ARHGAP25: variants seen among roughly 807,000 people sequenced by gnomAD.
The protein encoded by ARHGAP25 is Rho GTPase activating protein 25, also known as rho GTPase-activating protein 25.
In ARHGAP25, 34 loss-of-function variants were observed where a neutral mutation model predicts 71.0. The observed-to-expected ratio is 0.48, with a 90% CI of 0.36 to 0.64. ARHGAP25 has a LOEUF of 0.64. Ranked by LOEUF, ARHGAP25 falls within the 30% of genes least tolerant of loss-of-function variation. The pLI, the probability that ARHGAP25 is intolerant of heterozygous loss-of-function variation, is 0.00. For missense variants in ARHGAP25, 706 were observed against 805.1 expected (o/e 0.88, Z 1.49); for synonymous variants, 282 against 296.5 (o/e 0.95, Z 0.50).
At chr2:68,724,839 A>T (rs7580958) in intron 2 of ARHGAP25, among the ~76,000 whole-genome samples, 38,889 of 152,046 alleles carry the variant, frequency 0.26, 5,413 homozygotes, top group East Asian at 0.48. Context: ...GACTTCTCTC[A>T]TTCTGTCACG....
intron 1 of ARHGAP25, among the ~76,000 whole-genome samples, chr2:68,774,263 T>C (rs965422012): frequency 8.6e-5 from 13 of 151,950 alleles, no homozygotes; most frequent in African/African-American, 3.1e-4. Context: ...GAAGGAAGTG[T>C]TGAATGGGGA....
intron 4 of ARHGAP25, among the ~76,000 whole-genome samples, chr2:68,802,745 A>G (rs1325651334): frequency 6.6e-6 from 1 of 152,018 alleles, no homozygotes; most frequent in African/African-American, 2.4e-5. Context: ...AGATGGAAAT[A>G]GATATGATAT....
At chr2:68,765,627 A>T (rs1677076715) in intron 1 of ARHGAP25, among the ~76,000 whole-genome samples, 1 of 152,252 alleles carries the variant, frequency 6.6e-6, no homozygotes, top group South Asian at 2.1e-4. Flanking sequence ...ATCCTTAAAA[A>T]TATGGAAATT....
chr2:68,779,197 G>T (rs1271421867), intron 2 of ARHGAP25, among the ~76,000 whole-genome samples: 1 of 152,150 alleles, frequency 6.6e-6, no homozygotes, highest in South Asian at 2.1e-4. Flanking sequence ...TGGGAGAGCC[G>T]ATTGAAGGGC....
At chr2:68,819,885 CAATAATTT>C (rs1389816801) in intron 9 of ARHGAP25, 8 of 179,762 alleles carry the variant, frequency 4.5e-5, no homozygotes, top group African/African-American at 1.9e-4. Flanking sequence ...CTCGTGAGGA[CAATAATTT>C]ACAAAGGTCA....
At chr2:68,766,902 A>T (rs1677158080) in intron 1 of ARHGAP25, among the ~76,000 whole-genome samples, 1 of 152,164 alleles carries the variant, frequency 6.6e-6, no homozygotes, top group African/African-American at 2.4e-5. Context: ...ACACATAGTT[A>T]TTGGTGCCAA....
intron 9 of ARHGAP25, among the ~76,000 whole-genome samples, chr2:68,821,711 T>G (rs543352410): frequency 8.3e-4 from 126 of 152,306 alleles, no homozygotes; most frequent in Non-Finnish European, 1.2e-3. Flanking sequence ...TTGAGTTTCT[T>G]GTATTATGAG....
intron 10 of ARHGAP25, among the ~76,000 whole-genome samples, chr2:68,824,188 G>A (rs7605681): frequency 0.53 from 81,194 of 152,088 alleles, 22,117 homozygotes; most frequent in East Asian, 0.86. Context: ...GATCAAAGCA[G>A]TCCCATAGAA....
chr2:68,750,498 T>C (rs2104314096), intron 1 of ARHGAP25, among the ~76,000 whole-genome samples: 1 of 152,236 alleles, frequency 6.6e-6, no homozygotes, highest in African/African-American at 2.4e-5. Context: ...TATTTGTATT[T>C]TTAGTAGAGA....
chr2:68,760,013 A>G (rs55847941), intron 1 of ARHGAP25, among the ~76,000 whole-genome samples: 128,919 of 152,030 alleles, frequency 0.85, 54,900 homozygotes, highest in African/African-American at 0.9. Flanking sequence ...TTTATTCTTG[A>G]AATGCAAGGG....
intron 1 of ARHGAP25, among the ~76,000 whole-genome samples, chr2:68,761,534 A>C (rs1676820209): frequency 6.6e-5 from 2 of 30,086 alleles, no homozygotes; most frequent in South Asian, 3.6e-3. Flanking sequence ...AAACTCTACA[A>C]AAAAAAACCC....
At chr2:68,720,369 T>G (rs1674732624) in intron 2 of ARHGAP25, among the ~76,000 whole-genome samples, 1 of 148,120 alleles carries the variant, frequency 6.8e-6, no homozygotes. Context: ...AAAAAAAAGC[T>G]CCTATACTTG....
chr2:68,804,583 T>G (rs189787201), intron 4 of ARHGAP25, among the ~76,000 whole-genome samples: 214 of 152,370 alleles, frequency 1.4e-3, no homozygotes, highest in Middle Eastern at 0.01. Context: ...ACAGTCCATC[T>G]GTTATGTTAT....
intron 1 of ARHGAP25, among the ~76,000 whole-genome samples, chr2:68,756,693 G>A (rs2104330719): frequency 6.6e-6 from 1 of 152,230 alleles, no homozygotes; most frequent in South Asian, 2.1e-4. Context: ...GAGGAAGGGA[G>A]ACAATCTGAT....
intron 1 of ARHGAP25, among the ~76,000 whole-genome samples, chr2:68,758,732 CT>C (rs1405032684): frequency 2.6e-5 from 4 of 151,768 alleles, no homozygotes; most frequent in Non-Finnish European, 4.4e-5. Context: ...AAATAGAGGA[CT>C]TGAACAACAC....
upstream of ARHGAP25, among the ~76,000 whole-genome samples, chr2:68,729,845 T>C (rs1266136308): frequency 6.6e-6 from 1 of 152,266 alleles, no homozygotes; most frequent in African/African-American, 2.4e-5. Flanking sequence ...CAAACCTTAG[T>C]ATAAGTATAT....
At chr2:68,753,222 G>T in intron 1 of ARHGAP25, among the ~76,000 whole-genome samples, 1 of 152,282 alleles carries the variant, frequency 6.6e-6, no homozygotes, top group South Asian at 2.1e-4. Context: ...AAATAAAGAC[G>T]TAGAGAAATT....
At chr2:68,719,836 G>C (rs1397901976) in intron 2 of ARHGAP25, among the ~76,000 whole-genome samples, 1 of 152,126 alleles carries the variant, frequency 6.6e-6, no homozygotes, top group East Asian at 1.9e-4. Flanking sequence ...AGCAGGGGTT[G>C]GTACCCAGAC....
chr2:68,712,404 A>G (rs940803474), intron 2 of ARHGAP25, among the ~76,000 whole-genome samples: 17 of 152,174 alleles, frequency 1.1e-4, no homozygotes, highest in African/African-American at 3.9e-4. Context: ...TATTTTGGAT[A>G]TTAGCCCTTT....
Sources: allele counts gnomAD v4.1 joint callset (sites outside exome capture counted in the v4.1 genomes callset), GRCh38; gene constraint gnomAD v4.1.1; transcripts MANE v1.5; gene names NCBI Gene and HGNC (gene_info 2026-07-23, HGNC 2026-07-21).